The following COL4A5 variants were observed in gnomAD, a reference collection of about 807,000 sequenced individuals.
COL4A5 encodes collagen type IV alpha 5 chain.
Under a neutral mutation model 130.2 loss-of-function variants are expected in COL4A5, and 26 were observed. The observed-to-expected ratio is 0.20, with a 90% CI of 0.15 to 0.28. The LOEUF (loss-of-function observed/expected upper bound fraction) is 0.28, where lower values mean the gene tolerates loss of function less well. COL4A5 is among the 10% of genes least tolerant of loss of function. The pLI is 1.00. For missense variants in COL4A5, 1,131 were observed against 1,344.3 expected (o/e 0.84, Z 2.48); for synonymous variants, 496 against 439.6 (o/e 1.13, Z -1.60).
chrX:108,665,648 G>T, intron 38 of COL4A5, 61 bp downstream of exon 38: 24 of 852,761 alleles, frequency 2.8e-5, no homozygotes, highest in Non-Finnish European at 4.1e-5. Flanking sequence ...TATTAAGTTT[G>T]GGAAAGTCAA....
In COL4A5 at chrX:108,614,933, A is replaced by G; in HGVS notation, c.2418A>G (p.Gln806=). The part of the protein sequence containing the change: ...GPKGDVGPNG[Q]PGPMGPPGLP... Reference sequence around the variant, plus strand: ...AAGGTGATGTTGGACCAAATGGACAACCTGGACCAATGGGACCTCCTGGGC... The same window carrying G: ...AAGGTGATGTTGGACCAAATGGACAGCCTGGACCAATGGGACCTCCTGGGC... The change falls in exon 30 of 53, where the codon CAA becomes CAG. Residue 806 remains glutamine (Q), a synonymous_variant. Transcript: ENST00000328300. The G allele has an allele frequency of 8.3e-7, 1 of 1,209,855 alleles. No individual in the cohort carries two copies. The highest frequency in any genetic ancestry group is 1.1e-6 in the Non-Finnish European group (1 of 893,862).
chrX:108,680,773 G>T (rs1254748108), intron 45 of COL4A5, 22 bp downstream of exon 45: 3 of 1,199,626 alleles, frequency 2.5e-6, no homozygotes, highest in Admixed American at 4.4e-5. Context: ...GATTTTTGTG[G>T]TTTCCCTTTA....
chrX:108,620,234 T>C, intron 30 of COL4A5, 25 bp from the exon 31 acceptor site: 1 of 1,164,363 alleles, frequency 8.6e-7, no homozygotes, highest in Non-Finnish European at 1.2e-6. Flanking sequence ...TCAGTACTTA[T>C]TAATATTGAT....
intron 1 of COL4A5, among the ~76,000 whole-genome samples, chrX:108,534,452 CG>C (rs1406277122): frequency 9.0e-6 from 1 of 111,122 alleles, no homozygotes; most frequent in Non-Finnish European, 1.9e-5. Flanking sequence ...GGATGGAACT[CG>C]ATGTCATTCT....
chrX:108,464,631 A>G (rs2064686074), intron 1 of COL4A5, among the ~76,000 whole-genome samples: 1 of 112,606 alleles, frequency 8.9e-6, no homozygotes, highest in African/African-American at 3.2e-5. Context: ...AAATACACCT[A>G]AGTTTCTTAT....
intron 32 of COL4A5, among the ~76,000 whole-genome samples, chrX:108,622,146 T>G (rs1299077516): frequency 1.8e-5 from 2 of 112,396 alleles, no homozygotes; most frequent in East Asian, 5.6e-4. Context: ...GTTTGTCTTT[T>G]GAGACGGAGT....
At chrX:108,630,812 A>G (rs911763213) in intron 36 of COL4A5, among the ~76,000 whole-genome samples, 19 of 112,409 alleles carry the variant, frequency 1.7e-4, no homozygotes, top group Middle Eastern at 4.6e-3. Context: ...GTCTTAATCC[A>G]TCTTGAATTA....
At chrX:108,545,860 T>C (rs936309378) in intron 2 of COL4A5, among the ~76,000 whole-genome samples, 2 of 111,605 alleles carry the variant, frequency 1.8e-5, no homozygotes, top group African/African-American at 3.3e-5. Flanking sequence ...TACCATTATG[T>C]AATGGCCTTC....
chrX:108,614,948 A>T lies in COL4A5; in HGVS notation c.2433A>T (p.Gly811=). 1.7e-6 allele frequency: 2 copies of T among 1,210,262 alleles called. No homozygotes were observed. The highest frequency in any genetic ancestry group is 1.8e-5 in the South Asian group (1 of 56,930). ...CAAATGGACAACCTGGACCAATGGG[A>T]CCTCCTGGGCTGCCAGGAATAGGTG... ...VGPNGQPGPM[G]PPGLPGIGVQ... The change falls in exon 30 of 53, where the codon GGA becomes GGT. Residue 811 remains glycine, a synonymous_variant. Transcript: ENST00000328300.
At chrX:108,496,526 A>G (rs1387896508) in intron 1 of COL4A5, among the ~76,000 whole-genome samples, 1 of 111,864 alleles carries the variant, frequency 8.9e-6, no homozygotes, top group Non-Finnish European at 1.9e-5. Context: ...AAGAATGTGC[A>G]TTCTGGCTGG....
chrX:108,451,003 C>A (rs1234442695), intron 1 of COL4A5, among the ~76,000 whole-genome samples: 1 of 104,399 alleles, frequency 9.6e-6, no homozygotes, highest in Non-Finnish European at 2.0e-5. Flanking sequence ...ACTCCCCCCA[C>A]CCCTCAACAG....
chrX:108,471,769 G>GT (rs1338852902), intron 1 of COL4A5, among the ~76,000 whole-genome samples: 1 of 111,155 alleles, frequency 9.0e-6, no homozygotes, highest in Non-Finnish European at 1.9e-5. Context: ...ACTTGGATGG[G>GT]GGTTAAAGAA....
chrX:108,579,694 T>A (rs2066210165), intron 13 of COL4A5, among the ~76,000 whole-genome samples: 2 of 112,342 alleles, frequency 1.8e-5, no homozygotes, highest in South Asian at 7.4e-4. Flanking sequence ...CATTTTTGTT[T>A]CACTTAAATG....
intron 1 of COL4A5, among the ~76,000 whole-genome samples, chrX:108,509,634 G>GT (rs1198988031): frequency 2.7e-5 from 3 of 111,751 alleles, no homozygotes; most frequent in Non-Finnish European, 5.7e-5. Flanking sequence ...CAGAATGGCT[G>GT]TTTTTTAAAA....
chrX:108,538,685 G>A (rs753198719), intron 1 of COL4A5, among the ~76,000 whole-genome samples: 1 of 111,790 alleles, frequency 8.9e-6, no homozygotes, highest in Non-Finnish European at 1.9e-5. Context: ...GTCACATGAA[G>A]GTTTCAGTAA....
At chrX:108,664,282 C>T (rs764099882) in intron 37 of COL4A5, among the ~76,000 whole-genome samples, 1 of 112,277 alleles carries the variant, frequency 8.9e-6, no homozygotes, top group East Asian at 2.8e-4. Flanking sequence ...AATAAATTGA[C>T]TTTTGATAAA....
chrX:108,681,262 A>AT (rs1460400331), intron 46 of COL4A5, among the ~76,000 whole-genome samples: 3 of 111,200 alleles, frequency 2.7e-5, no homozygotes, highest in Non-Finnish European at 5.7e-5. Flanking sequence ...TCACATATGA[A>AT]TTTTTTATAA....
In COL4A5 at chrX:108,591,561, G is replaced by A. The variant is rs1333230426; in HGVS notation, c.1340G>A (p.Ser447Asn). ...PGPAGPHIPPSDEICEPGPPG... is the reference protein window; with the variant it reads ...PGPAGPHIPPNDEICEPGPPG... ...GCTATCCTTTCTTTATCTTACTCAG[G>A]TGATGAGATATGTGAACCAGGCCCT... Residue 447 changes from serine to asparagine, a missense_variant and splice_region_variant, in exon 21 of 53, where the codon AGT becomes AAT. Ser to Asn is a conservative substitution (Grantham distance 46, BLOSUM62 1). Coordinates refer to ENST00000328300, the MANE Select transcript of COL4A5 (RefSeq NM_033380.3). 3.4e-6 allele frequency: 4 copies of A among 1,188,351 alleles called. No individual in the cohort carries two copies. Among genetic ancestry groups the A allele is most frequent in the South Asian group, 1.8e-5 (1 of 56,279 alleles).
chrX:108,678,258 CTT>C (rs1290365377), intron 44 of COL4A5, among the ~76,000 whole-genome samples: 4 of 111,606 alleles, frequency 3.6e-5, no homozygotes, highest in Non-Finnish European at 7.5e-5. Context: ...TCTGGACTGT[CTT>C]TTAATTCTGA....
Sources: allele counts gnomAD v4.1 joint callset (sites outside exome capture counted in the v4.1 genomes callset), GRCh38; gene constraint gnomAD v4.1.1; transcripts MANE v1.5; gene names NCBI Gene and HGNC (gene_info 2026-07-23, HGNC 2026-07-21).